Variants in SH3BGRL observed in about 807,000 individuals in gnomAD.
SH3BGRL encodes the protein adapter SH3BGRL.
In SH3BGRL, 7 loss-of-function variants were observed where a neutral mutation model predicts 9.8. The ratio of observed to expected loss-of-function variants is 0.72; its 90% CI spans 0.41 to 1.35. The LOEUF is 1.35. Among genes scored for constraint, SH3BGRL ranks in the 40% most tolerant of loss-of-function variants. The pLI is 0.01. For synonymous variants in SH3BGRL, 36 were observed against 29.1 expected (o/e 1.24, Z -0.76); for missense variants, 73 against 84.4 (o/e 0.86, Z 0.53).
intron 1 of SH3BGRL, among the ~76,000 whole-genome samples, chrX:81,271,511 A>C (rs1382404445): frequency 8.9e-6 from 1 of 112,131 alleles, no homozygotes. Context: ...AATGATAAGA[A>C]AATTCTTATT....
intron 3 of SH3BGRL, among the ~76,000 whole-genome samples, chrX:81,283,930 C>T (rs1156310603): frequency 9.0e-6 from 1 of 111,013 alleles, no homozygotes; most frequent in Non-Finnish European, 1.9e-5. Context: ...CTAAGGACTC[C>T]TCCAGAAAGC....
At chrX:81,263,430 C>G (rs1398346889) in intron 1 of SH3BGRL, among the ~76,000 whole-genome samples, 2 of 111,892 alleles carry the variant, frequency 1.8e-5, no homozygotes, top group Non-Finnish European at 3.8e-5. Context: ...ATATATTAAT[C>G]AGCTAACAAC....
intron 1 of SH3BGRL, among the ~76,000 whole-genome samples, chrX:81,216,329 T>A (rs1244115469): frequency 1.8e-5 from 2 of 111,405 alleles, no homozygotes; most frequent in Admixed American, 9.6e-5. Flanking sequence ...TAGGTACACA[T>A]ATTTATGAGG....
chrX:81,249,734 G>C (rs1202954754), intron 1 of SH3BGRL, among the ~76,000 whole-genome samples: 1 of 111,940 alleles, frequency 8.9e-6, no homozygotes, highest in Non-Finnish European at 1.9e-5. Flanking sequence ...TTGTGTTTTT[G>C]TGAAAAAGCT....
chrX:81,227,964 T>C, intron 1 of SH3BGRL, among the ~76,000 whole-genome samples: 1 of 112,154 alleles, frequency 8.9e-6, no homozygotes, highest in Non-Finnish European at 1.9e-5. Context: ...GCAGTTTGTA[T>C]GCAGTTTTAG....
chrX:81,259,121 G>T (rs2075733702), intron 1 of SH3BGRL, among the ~76,000 whole-genome samples: 1 of 112,031 alleles, frequency 8.9e-6, no homozygotes, highest in Non-Finnish European at 1.9e-5. Context: ...GTGAGCTGGA[G>T]AATTTAGCTA....
At chrX:81,239,493 G>GA in intron 1 of SH3BGRL, among the ~76,000 whole-genome samples, 1 of 111,400 alleles carries the variant, frequency 9.0e-6, no homozygotes. Context: ...GGAGACAAAA[G>GA]AAAAAAGAAT....
At chrX:81,205,479 T>A (rs2075544043) in intron 1 of SH3BGRL, among the ~76,000 whole-genome samples, 1 of 92,338 alleles carries the variant, frequency 1.1e-5, no homozygotes, top group African/African-American at 4.4e-5. Flanking sequence ...TAAGTGTGTG[T>A]ATATATATGT....
At chrX:81,203,807 T>G (rs1056370750) in intron 1 of SH3BGRL, among the ~76,000 whole-genome samples, 1 of 112,317 alleles carries the variant, frequency 8.9e-6, no homozygotes, top group Non-Finnish European at 1.9e-5. Flanking sequence ...TGCACCTCTC[T>G]TTGTTAAGTC....
intron 1 of SH3BGRL, among the ~76,000 whole-genome samples, 156 bp from the exon 2 acceptor site, chrX:81,276,828 G>C (rs1255773032): frequency 9.0e-6 from 1 of 111,704 alleles, no homozygotes; most frequent in African/African-American, 3.3e-5. Context: ...CAATATACTT[G>C]TGAGGCATTA....
chrX:81,260,342 TTATC>T (rs2075737410), intron 1 of SH3BGRL, among the ~76,000 whole-genome samples: 1 of 111,433 alleles, frequency 9.0e-6, no homozygotes, highest in Non-Finnish European at 1.9e-5. Flanking sequence ...ATTTGTCTCT[TTATC>T]TATGAATTTG....
rs900911509 is a variant in SH3BGRL, at chrX:81,298,250, G to A, written c.*1023G>A. The A allele has an allele frequency of 9.9e-5, 11 of 111,088 alleles. No homozygotes were observed. The highest frequency in any genetic ancestry group is 1.9e-4 in the Non-Finnish European group (10 of 52,769). The allele number at this position is 111,088 out of a possible 1,213,427, so 9.2% of individuals were successfully genotyped here. Reference sequence around the variant, plus strand: ...GAATCTTTTCTATGCCTCTATTCCAGCAAAAAGTAGAAGTATCAAATAAAA... The same window carrying A: ...GAATCTTTTCTATGCCTCTATTCCAACAAAAAGTAGAAGTATCAAATAAAA... On this transcript the variant is annotated 3_prime_UTR_variant, in exon 4 of 4. Transcript: ENST00000373212.
At chrX:81,238,762 A>G (rs1307173259) in intron 1 of SH3BGRL, among the ~76,000 whole-genome samples, 1 of 104,445 alleles carries the variant, frequency 9.6e-6, no homozygotes, top group Non-Finnish European at 2.0e-5. Context: ...TACTTGTGTC[A>G]CTCTGTTCCT....
intron 1 of SH3BGRL, among the ~76,000 whole-genome samples, chrX:81,248,107 T>C (rs2075695655): frequency 9.0e-6 from 1 of 111,273 alleles, no homozygotes; most frequent in Non-Finnish European, 1.9e-5. Flanking sequence ...GTGTTCATAA[T>C]GGTTCCTGAG....
At chrX:81,279,691 G>A (rs901236425) in intron 3 of SH3BGRL, among the ~76,000 whole-genome samples, 1 of 111,179 alleles carries the variant, frequency 9.0e-6, no homozygotes, top group African/African-American at 3.3e-5. Flanking sequence ...TATCTCGCTG[G>A]GTCCCCAGGC....
intron 1 of SH3BGRL, among the ~76,000 whole-genome samples, chrX:81,249,813 C>T (rs184241340): frequency 1.8e-5 from 2 of 111,012 alleles, no homozygotes; most frequent in African/African-American, 6.5e-5. Context: ...GGAAGAATAT[C>T]GGTGAATGGA....
chrX:81,230,674 A>G (rs1313577049), intron 1 of SH3BGRL, among the ~76,000 whole-genome samples: 1 of 112,005 alleles, frequency 8.9e-6, no homozygotes, highest in Non-Finnish European at 1.9e-5. Flanking sequence ...GGAGAGATCA[A>G]ATAAAGCCAG....
At chrX:81,233,118 T>C (rs1363886806) in intron 1 of SH3BGRL, among the ~76,000 whole-genome samples, 3 of 111,702 alleles carry the variant, frequency 2.7e-5, no homozygotes, top group Non-Finnish European at 3.8e-5. Flanking sequence ...GGAAATCTTC[T>C]ATAATAGTAG....
chrX:81,278,899 A>T (rs1351509928), intron 3 of SH3BGRL, among the ~76,000 whole-genome samples: 4 of 112,217 alleles, frequency 3.6e-5, no homozygotes, highest in African/African-American at 1.3e-4. Flanking sequence ...TTTTCCTGCC[A>T]ACACAAATTA....
Sources: gnomAD v4.1 joint callset for allele counts (sites outside exome capture counted in the v4.1 genomes callset) on GRCh38, gnomAD v4.1.1 for gene constraint, MANE v1.5 for transcripts, NCBI Gene and HGNC (gene_info 2026-07-23, HGNC 2026-07-21) for gene names.